WNT8A: variants seen among roughly 807,000 people sequenced by gnomAD.
WNT8A encodes protein Wnt-8a.
A neutral mutation model predicts 20.5 loss-of-function variants in WNT8A; 14 were observed. The observed-to-expected ratio is 0.68, with a 90% CI of 0.45 to 1.07. The LOEUF is 1.07. Ranked by LOEUF, WNT8A falls within the 50% of genes least tolerant of loss-of-function variation. The pLI is 0.00. For missense variants in WNT8A, 397 were observed against 462.9 expected, an observed-to-expected ratio of 0.86 and a Z score of 1.31; for synonymous variants, 167 against 169.2, an observed-to-expected ratio of 0.99 and a Z score of 0.10.
chr5:138,085,280 TACAC>T (rs1269164656), intron 2 of WNT8A, among the ~76,000 whole-genome samples: 1 of 152,232 alleles, frequency 6.6e-6, no homozygotes, highest in Non-Finnish European at 1.5e-5. Context: ...TGTGCGTTTG[TACAC>T]ACTGATCTTG....
Position 138,084,300 on chromosome 5 carries a change from C to T in WNT8A, c.156+17C>T, listed in dbSNP as rs2040862. 0.16 allele frequency: 254,348 copies of T among 1,613,146 alleles called. 22,020 individuals are homozygous for T. Among genetic ancestry groups the T allele is most frequent in the Non-Finnish European group, 0.18 (209,542 of 1,179,398 alleles). On this transcript the variant is annotated intron_variant, in intron 1 of 4. Transcript: ENST00000506684. ...GGTCCCAAGGTAGGATGATCTCCAG[C>T]TTCTGTTTTTACCCACTGAGGGCCC...
upstream of WNT8A, among the ~76,000 whole-genome samples, chr5:138,083,257 G>GT (rs1207143271): frequency 8.0e-5 from 12 of 149,966 alleles, no homozygotes; most frequent in Admixed American, 7.4e-4. Context: ...CTCCAGCCTG[G>GT]GCGACAGAGC....
chr5:138,084,438 TCCC>T, intron 1 of WNT8A, 57 bp from the exon 2 acceptor site: 1 of 1,554,300 alleles, frequency 6.4e-7, no homozygotes. Flanking sequence ...TCCTGCCTGC[TCCC>T]CCAACCACAG....
At chr5:138,092,196 C>T (rs1750876980), downstream of WNT8A, 1 of 152,160 alleles carries the variant, frequency 6.6e-6, no homozygotes, top group Non-Finnish European at 1.5e-5. Context: ...GAATAAGAAA[C>T]CCTTCTTCTG....
intron 2 of WNT8A, 151 bp from the exon 3 acceptor site, chr5:138,087,655 A>AAG: frequency 1.5e-6 from 1 of 656,222 alleles, no homozygotes; most frequent in Non-Finnish European, 2.2e-6. Context: ...GTCTCAAAAA[A>AAG]AAAAAAAAAA....
intron 2 of WNT8A, among the ~76,000 whole-genome samples, chr5:138,085,037 A>C (rs1054825206): frequency 1.5e-4 from 23 of 152,084 alleles, no homozygotes; most frequent in African/African-American, 5.3e-4. Flanking sequence ...CCGGAGTTCA[A>C]GTGATTCTCC....
chr5:138,084,377 C>A (rs1364967090), intron 1 of WNT8A, 94 bp downstream of exon 1: 1 of 1,557,006 alleles, frequency 6.4e-7, no homozygotes, highest in Non-Finnish European at 8.7e-7. Context: ...CAGAGCCCCT[C>A]ACCCAGAGGA....
At chr5:138,079,994 T>G (rs1424866778), upstream of WNT8A, among the ~76,000 whole-genome samples, 2 of 152,118 alleles carry the variant, frequency 1.3e-5, no homozygotes, top group Non-Finnish European at 2.9e-5. Context: ...TCTTAAAGGC[T>G]CATCTAATCG....
chr5:138,092,197 C>G (rs1750877084), downstream of WNT8A: 1 of 152,188 alleles, frequency 6.6e-6, no homozygotes, highest in Non-Finnish European at 1.5e-5. Flanking sequence ...AATAAGAAAC[C>G]CTTCTTCTGT....
At chr5:138,078,416 C>G in the WNT8A span, among the ~76,000 whole-genome samples, 1 of 152,186 alleles carries the variant, frequency 6.6e-6, no homozygotes, top group Non-Finnish European at 1.5e-5. Flanking sequence ...CTCAGCTCTT[C>G]TGCAACTTGC....
At chr5:138,079,648 G>C (rs1309296933), upstream of WNT8A, among the ~76,000 whole-genome samples, 1 of 152,106 alleles carries the variant, frequency 6.6e-6, no homozygotes, top group Non-Finnish European at 1.5e-5. Flanking sequence ...CAGGGCTTTA[G>C]AGATACTACT....
chr5:138,080,425 C>A (rs217260), upstream of WNT8A, among the ~76,000 whole-genome samples: 132,989 of 135,522 alleles, frequency 0.98, 65,324 homozygotes, highest in Middle Eastern at 1. Flanking sequence ...CTCTGGGATT[C>A]ATAAACTCTG....
intron 2 of WNT8A, among the ~76,000 whole-genome samples, chr5:138,086,287 G>A (rs1750659671): frequency 6.6e-6 from 1 of 152,028 alleles, no homozygotes; most frequent in Non-Finnish European, 1.5e-5. Context: ...GCGCGATCTT[G>A]GCTCAATGCA....
At chr5:138,087,580 C>T (rs944885631) in intron 2 of WNT8A, among the ~76,000 whole-genome samples, 1 of 127,596 alleles carries the variant, frequency 7.8e-6, no homozygotes. Context: ...TTGCTTGAAC[C>T]TGGGAGGCAG....
chr5:138,083,543 G>A (rs1237263622), upstream of WNT8A, among the ~76,000 whole-genome samples: 1 of 152,166 alleles, frequency 6.6e-6, no homozygotes, highest in Non-Finnish European at 1.5e-5. Flanking sequence ...GAAGGAAGTG[G>A]TAGGGATGGC....
rs750781992 is a variant in WNT8A, at chr5:138,084,513, A to C, written c.172A>C (p.Thr58Pro). Residue 58 changes from threonine (T) to proline (P), a missense_variant, in exon 2 of 5, where the codon ACG (threonine) becomes CCG (proline). Thr to Pro is a conservative substitution (Grantham distance 38). Coordinates refer to ENST00000506684, the MANE Select transcript of WNT8A (RefSeq NM_001300939.2). ...ITGPKAYLTY[T>P]TSVALGAQSG... ...CCTTTGCCAGGCCTATCTGACCTAC[A>C]CGACTAGTGTGGCCTTGGGTGCCCA... 1 of 1,611,134 alleles carries C rather than the reference A, an allele frequency of 6.2e-7. No individual in the cohort carries two copies. The highest frequency in any genetic ancestry group is 8.5e-7 in the Non-Finnish European group (1 of 1,178,442).
At chr5:138,078,195 G>T in the WNT8A span, among the ~76,000 whole-genome samples, 2 of 152,080 alleles carry the variant, frequency 1.3e-5, no homozygotes, top group Non-Finnish European at 2.9e-5. Flanking sequence ...TCCTCAGGGG[G>T]TGAGAAGCTT....
intron 2 of WNT8A, 55 bp downstream of exon 2, chr5:138,084,691 G>C: frequency 6.5e-7 from 1 of 1,529,848 alleles, no homozygotes; most frequent in Non-Finnish European, 8.8e-7. Context: ...ATGGAGTGGG[G>C]CTTGCAGTAT....
chr5:138,087,928 A>T lies in WNT8A; in HGVS notation c.418A>T (p.Thr140Ser), dbSNP rs1487741637. ...CGCDGSNNGK[T>S]GGHGWIWGGC... ...CTGTGATGGGTCAAACAATGGAAAAACAGGTAAGTTGAGCTTTCTAATGGG... is the reference window on the plus strand; with the variant it reads ...CTGTGATGGGTCAAACAATGGAAAATCAGGTAAGTTGAGCTTTCTAATGGG... Residue 140 changes from threonine to serine, a missense_variant, in exon 3 of 5, where the codon ACA (threonine) becomes TCA (serine). Transcript: ENST00000506684. 2 of 1,613,576 alleles carry T rather than the reference A, an allele frequency of 1.2e-6. No individual in the cohort carries two copies. Among genetic ancestry groups the T allele is most frequent in the Non-Finnish European group, 1.7e-6 (2 of 1,179,740 alleles).
Sources: gnomAD v4.1 joint callset for allele counts (sites outside exome capture counted in the v4.1 genomes callset) on GRCh38, gnomAD v4.1.1 for gene constraint, MANE v1.5 for transcripts, NCBI Gene and HGNC (gene_info 2026-07-23, HGNC 2026-07-21) for gene names.